ACACA: variants seen among roughly 807,000 people sequenced by gnomAD.
ACACA encodes acetyl-CoA carboxylase alpha.
Under a neutral mutation model 296.1 loss-of-function variants are expected in ACACA, and 103 were observed. That is an observed-to-expected ratio of 0.35 (90% confidence interval 0.30 to 0.41). The LOEUF (loss-of-function observed/expected upper bound fraction) is 0.41, where lower values mean the gene tolerates loss of function less well. ACACA is among the 10% of genes least tolerant of loss of function. The pLI is 1.00. For synonymous variants in ACACA, 953 were observed against 1,038.6 expected (o/e 0.92, Z 1.58); for missense variants, 1,554 against 2,989.7 (o/e 0.52, Z 11.20).
At chr17:37,277,285 CA>C (rs1363933238) in intron 6 of ACACA, among the ~76,000 whole-genome samples, 171 bp from the exon 7 acceptor site, 1 of 152,190 alleles carries the variant, frequency 6.6e-6, no homozygotes, top group Non-Finnish European at 1.5e-5. Flanking sequence ...TACAGAGTAA[CA>C]ATAAGTAGTC....
intron 33 of ACACA, among the ~76,000 whole-genome samples, chr17:37,203,609 G>A (rs1249078366): frequency 6.6e-6 from 1 of 151,958 alleles, no homozygotes; most frequent in African/African-American, 2.4e-5. Flanking sequence ...CGGGTGTGGT[G>A]GCGCATGTCT....
chr17:37,219,377 G>T (rs966843279), intron 29 of ACACA, among the ~76,000 whole-genome samples: 10 of 152,076 alleles, frequency 6.6e-5, no homozygotes, highest in African/African-American at 2.4e-4. Flanking sequence ...AAACTGTAGT[G>T]CTTGAACTCT....
At position 37,269,057 on chromosome 17, in the gene ACACA, A is replaced by AC. The variant is rs1476180412; in HGVS notation, c.1119+1693_1119+1694insG. ...CAATGAAAAAAATGTAAAAAAAAAA[A>AC]AAAAAACCCAAGGTAATATTCAATT... On this transcript the variant is annotated intron_variant, in intron 10 of 55. Transcript: ENST00000616317. 4.0e-5 allele frequency among the ~76,000 whole-genome samples: 6 copies of AC among 151,472 alleles called. No individual in the cohort carries two copies. The East Asian group carries it at 1.2e-3, about 29-fold the overall frequency.
At chr17:37,390,140 GTATATATATATATATATATATATA>G (rs1243535532) in intron 1 of ACACA, among the ~76,000 whole-genome samples, 2 of 34,636 alleles carry the variant, frequency 5.8e-5, no homozygotes, top group African/African-American at 2.9e-4. Context: ...AAAAAAAAAA[GTATATATATATATATATATATATA>G]TATATATATA....
intron 33 of ACACA, 34 bp downstream of exon 33, chr17:37,205,731 G>T: frequency 3.3e-6 from 5 of 1,493,362 alleles, no homozygotes; most frequent in Non-Finnish European, 4.7e-6. Context: ...GTAGAAAGGG[G>T]ACATCACGAG....
At chr17:37,140,978 C>T (rs377612538) in intron 45 of ACACA, 1 of 364,352 alleles carries the variant, frequency 2.7e-6, no homozygotes, top group South Asian at 2.4e-5. Flanking sequence ...TCCCAGTAGC[C>T]TCTGTGCATG....
chr17:37,381,409 C>T (rs1180088043), intron 1 of ACACA, among the ~76,000 whole-genome samples: 4 of 151,828 alleles, frequency 2.6e-5, no homozygotes, highest in African/African-American at 9.7e-5. Context: ...TAGTGTTGAA[C>T]TCCTGACTTC....
chr17:37,119,949 G>T (rs527299822), intron 50 of ACACA, among the ~76,000 whole-genome samples: 1 of 146,360 alleles, frequency 6.8e-6, no homozygotes, highest in South Asian at 2.1e-4. Context: ...CTGGAGTGCA[G>T]TGGTGCAATC....
intron 33 of ACACA, among the ~76,000 whole-genome samples, chr17:37,203,143 G>A (rs1002105589): frequency 3.3e-5 from 5 of 151,946 alleles, no homozygotes; most frequent in African/African-American, 1.2e-4. Flanking sequence ...TGTATTTTCA[G>A]TAGAGACGGG....
At chr17:37,229,817 C>A (rs2079761443) in intron 25 of ACACA, among the ~76,000 whole-genome samples, 1 of 151,878 alleles carries the variant, frequency 6.6e-6, no homozygotes, top group Non-Finnish European at 1.5e-5. Flanking sequence ...CGCCTGTAAT[C>A]CCAGCACTTT....
rs1311042437 is a variant in ACACA, at chr17:37,406,473, C to CA, written c.-175_-174insT. 0.7 allele frequency: 504,114 copies of CA among 717,902 alleles called. 180,386 individuals carry two copies. The highest frequency in any genetic ancestry group is 0.95 in the East Asian group (37,619 of 39,616). 44.5% of individuals were successfully genotyped at this position (717,902 alleles called of 1,614,324 possible). A position where few individuals can be genotyped will look rare whatever the true frequency, so the allele number is the denominator to read the frequency against. ...CCCTTCGGGGCCCGGACTGGAGAGG[C>CA]GCCACGGCTCGCCGTCCCTGGGCCC... On this transcript the variant is annotated 5_prime_UTR_variant, in exon 1 of 56. Transcript: ENST00000616317.
intron 32 of ACACA, among the ~76,000 whole-genome samples, 172 bp from the exon 33 acceptor site, chr17:37,206,044 G>A (rs571870626): frequency 2.6e-5 from 4 of 152,302 alleles, no homozygotes; most frequent in Admixed American, 2.0e-4. Flanking sequence ...TAGCCACAGA[G>A]AGATTAAATC....
chr17:37,093,908 A>G (rs2072810169), intron 54 of ACACA, among the ~76,000 whole-genome samples: 1 of 152,314 alleles, frequency 6.6e-6, no homozygotes, highest in South Asian at 2.1e-4. Context: ...TGCCCATGCC[A>G]GTAAATGACA....
intron 50 of ACACA, among the ~76,000 whole-genome samples, chr17:37,120,077 G>C (rs2143011155): frequency 6.6e-6 from 1 of 151,692 alleles, no homozygotes; most frequent in South Asian, 2.1e-4. Flanking sequence ...ATTTTTTGTA[G>C]AGACAGGGTT....
At chr17:37,153,224 G>A (rs1166461993) in intron 43 of ACACA, among the ~76,000 whole-genome samples, 2 of 152,052 alleles carry the variant, frequency 1.3e-5, no homozygotes, top group East Asian at 3.8e-4. Context: ...ATATCATAGG[G>A]GAAAATCCCA....
At chr17:37,207,436 C>G (rs2078555828) in intron 31 of ACACA, among the ~76,000 whole-genome samples, 1 of 152,070 alleles carries the variant, frequency 6.6e-6, no homozygotes, top group South Asian at 2.1e-4. Flanking sequence ...TTCTTTTTTT[C>G]TGACCAGGCC....
At chr17:37,375,068 C>T (rs952084932) in intron 1 of ACACA, among the ~76,000 whole-genome samples, 2 of 151,994 alleles carry the variant, frequency 1.3e-5, no homozygotes, top group Non-Finnish European at 2.9e-5. Flanking sequence ...GTGGCACACA[C>T]ATTTAATCCC....
At position 37,283,972 on chromosome 17, in the gene ACACA, C is replaced by T. The variant is rs527919820; in HGVS notation, c.472-567G>A. ...CTTTCTGTAAACAAACCTTTCGTCT[C>T]CTTACCTATCTTGCAGTCATGCCTC... On this transcript the variant is annotated intron_variant, in intron 4 of 55. Coordinates refer to ENST00000616317, the MANE Select transcript of ACACA (RefSeq NM_198834.3). Among the ~76,000 whole-genome samples, 4 of 152,310 alleles carry T rather than the reference C, an allele frequency of 2.6e-5. No individual in the cohort carries two copies. In the South Asian group the frequency reaches 8.3e-4, roughly 32 times the overall value.
chr17:37,217,694 C>T lies in ACACA; in HGVS notation c.3683+4030G>A, dbSNP rs559648325. 3.3e-3 allele frequency among the ~76,000 whole-genome samples: 468 copies of T among 142,180 alleles called. 1 individual carries two copies. The highest frequency in any genetic ancestry group is 5.3e-3 in the Non-Finnish European group (355 of 66,786). 93.3% of individuals were successfully genotyped at this position (142,180 alleles called of 152,430 possible). ...AGCTTGCAGTGAGCCCAGATCGCGC[C>T]ACTGCACTCCAGCCTGGGCGACAGA... is the stretch of plus-strand genomic sequence containing the variant. On this transcript the variant is annotated intron_variant, in intron 29 of 55. Coordinates refer to ENST00000616317, the MANE Select transcript of ACACA (RefSeq NM_198834.3).
Sources: allele counts gnomAD v4.1 joint callset (sites outside exome capture counted in the v4.1 genomes callset), GRCh38; gene constraint gnomAD v4.1.1; transcripts MANE v1.5; gene names NCBI Gene and HGNC (gene_info 2026-07-23, HGNC 2026-07-21).